The following NELL1 variants were observed in gnomAD, a reference collection of about 807,000 sequenced individuals.
The protein encoded by NELL1 is neural EGFL like 1, also known as protein kinase C-binding protein NELL1.
Under a neutral mutation model 107.4 loss-of-function variants are expected in NELL1, and 76 were observed. That is an observed-to-expected ratio of 0.71 (90% CI 0.59 to 0.86). NELL1 has a LOEUF of 0.86. NELL1 is among the 40% of genes least tolerant of loss of function. The pLI is 0.00. For missense variants in NELL1, 1,024 were observed against 1,005.5 expected (o/e 1.02, Z -0.25); for synonymous variants, 353 against 341.2 (o/e 1.03, Z -0.38).
At chr11:20,693,861 G>C (rs1854540837) in intron 2 of NELL1, among the ~76,000 whole-genome samples, 1 of 152,140 alleles carries the variant, frequency 6.6e-6, no homozygotes, top group Admixed American at 6.5e-5. Context: ...AGTTCTCTTG[G>C]ATAGTATCCT....
At chr11:21,184,200 T>C (rs1418386571) in intron 13 of NELL1, among the ~76,000 whole-genome samples, 1 of 151,872 alleles carries the variant, frequency 6.6e-6, no homozygotes, top group Non-Finnish European at 1.5e-5. Context: ...CATTCCCTCC[T>C]ACCCCATTCT....
intron 15 of NELL1, among the ~76,000 whole-genome samples, chr11:21,433,534 G>T (rs114811131): frequency 7.4e-4 from 112 of 152,226 alleles, no homozygotes; most frequent in African/African-American, 2.4e-3. Context: ...ACCGTCAACA[G>T]TATACGTTAT....
intron 3 of NELL1, among the ~76,000 whole-genome samples, chr11:20,831,588 G>A (rs1858010666): frequency 1.3e-5 from 2 of 152,126 alleles, no homozygotes; most frequent in African/African-American, 4.8e-5. Context: ...GGAAGGTGGG[G>A]GGGACCCTGG....
intron 2 of NELL1, among the ~76,000 whole-genome samples, chr11:20,687,444 C>T (rs1854334650): frequency 6.6e-6 from 1 of 151,548 alleles, no homozygotes; most frequent in South Asian, 2.1e-4. Context: ...AGAAGACAGA[C>T]TATTTGACAT....
intron 14 of NELL1, among the ~76,000 whole-genome samples, chr11:21,358,934 T>G (rs2133734042): frequency 6.6e-6 from 1 of 152,266 alleles, no homozygotes; most frequent in South Asian, 2.1e-4. Context: ...AGCAACAATT[T>G]GACTTCCTCT....
At chr11:21,515,184 C>A (rs1855526527) in intron 15 of NELL1, among the ~76,000 whole-genome samples, 1 of 152,092 alleles carries the variant, frequency 6.6e-6, no homozygotes, top group Non-Finnish European at 1.5e-5. Context: ...TTCATGTGGT[C>A]CTCAATAGAA....
chr11:20,736,174 G>T (rs1855756609), intron 2 of NELL1, among the ~76,000 whole-genome samples: 1 of 152,154 alleles, frequency 6.6e-6, no homozygotes, highest in South Asian at 2.1e-4. Context: ...GTGAAGGTTT[G>T]AGTGAGAGAA....
At chr11:21,125,310 C>T (rs1855462937) in intron 13 of NELL1, among the ~76,000 whole-genome samples, 1 of 152,164 alleles carries the variant, frequency 6.6e-6, no homozygotes, top group Non-Finnish European at 1.5e-5. Context: ...TTCCCCCTAC[C>T]ACCAGCTCAC....
chr11:20,764,676 G>T (rs1306476024), intron 2 of NELL1, among the ~76,000 whole-genome samples: 1 of 150,242 alleles, frequency 6.7e-6, no homozygotes, highest in African/African-American at 2.5e-5. Context: ...ATGTTACCCA[G>T]GTGATTCTGA....
chr11:20,819,941 T>C (rs1449015341), intron 3 of NELL1, among the ~76,000 whole-genome samples: 2 of 152,198 alleles, frequency 1.3e-5, no homozygotes, highest in Non-Finnish European at 2.9e-5. Context: ...TCCGCTTGAT[T>C]CCTTGAGCTC....
chr11:21,229,937 C>A (rs778452713), intron 14 of NELL1, among the ~76,000 whole-genome samples: 8 of 152,146 alleles, frequency 5.3e-5, no homozygotes, highest in Non-Finnish European at 7.3e-5. Context: ...AAAATTCCTC[C>A]TTCTGGCTTA....
intron 15 of NELL1, among the ~76,000 whole-genome samples, chr11:21,465,113 A>G (rs780431321): frequency 1.8e-4 from 28 of 152,006 alleles, no homozygotes; most frequent in Non-Finnish European, 3.5e-4. Flanking sequence ...CTTAGGGAGG[A>G]TGTAATCTGA....
At chr11:21,437,595 T>C (rs1590931839) in intron 15 of NELL1, among the ~76,000 whole-genome samples, 1 of 152,152 alleles carries the variant, frequency 6.6e-6, no homozygotes, top group South Asian at 2.1e-4. Context: ...CCGACCTCAA[T>C]TGATCCCCTC....
chr11:21,218,771 G>A (rs1222083295), intron 13 of NELL1, among the ~76,000 whole-genome samples: 2 of 152,138 alleles, frequency 1.3e-5, no homozygotes, highest in Non-Finnish European at 2.9e-5. Flanking sequence ...CTTATTTTAT[G>A]TAACATAATG....
intron 14 of NELL1, among the ~76,000 whole-genome samples, chr11:21,347,540 T>C (rs575006530): frequency 6.6e-6 from 1 of 152,060 alleles, no homozygotes; most frequent in South Asian, 2.1e-4. Flanking sequence ...AGGCAGAGGT[T>C]GCAGTGAGCC....
At chr11:21,200,020 C>A (rs1395833423) in intron 13 of NELL1, among the ~76,000 whole-genome samples, 1 of 152,100 alleles carries the variant, frequency 6.6e-6, no homozygotes, top group East Asian at 1.9e-4. Flanking sequence ...GTATATGTGT[C>A]ACATTTTCTT....
At chr11:20,992,322 G>T (rs890541590) in intron 12 of NELL1, among the ~76,000 whole-genome samples, 6 of 152,194 alleles carry the variant, frequency 3.9e-5, no homozygotes, top group Non-Finnish European at 8.8e-5. Context: ...TGCTGTCCAG[G>T]ATGCTGGATG....
chr11:21,231,748 A>G (rs1451481169), intron 14 of NELL1, among the ~76,000 whole-genome samples: 2 of 152,208 alleles, frequency 1.3e-5, no homozygotes, highest in Admixed American at 6.5e-5. Context: ...TGATGTCCGC[A>G]GACTGTGAGG....
At chr11:20,936,774 G>A (rs183017092) in intron 9 of NELL1, among the ~76,000 whole-genome samples, 10 of 152,286 alleles carry the variant, frequency 6.6e-5, no homozygotes, top group Admixed American at 5.9e-4. Flanking sequence ...AAGAATAACT[G>A]AGCATCCCGT....
Sources: gnomAD v4.1 joint callset for allele counts (sites outside exome capture counted in the v4.1 genomes callset) on GRCh38, gnomAD v4.1.1 for gene constraint, MANE v1.5 for transcripts, NCBI Gene and HGNC (gene_info 2026-07-23, HGNC 2026-07-21) for gene names.